Variants in ZNF862 observed in about 807,000 individuals in gnomAD.
ZNF862 encodes zinc finger protein 862.
ZNF862 carries 64 observed loss-of-function variants against 91.1 expected under a neutral mutation model. That is an observed-to-expected ratio of 0.70 (90% CI 0.57 to 0.87). The LOEUF (loss-of-function observed/expected upper bound fraction) is 0.87, where lower values mean the gene tolerates loss of function less well. ZNF862 is among the 40% of genes least tolerant of loss of function. ZNF862 has a pLI of 0.00. For synonymous variants in ZNF862, 631 were observed against 618.1 expected (o/e 1.02, Z -0.31); for missense variants, 1,459 against 1,528.0 (o/e 0.95, Z 0.75).
At chr7:149,859,631 T>C (rs532912463) in intron 6 of ZNF862, 105 bp downstream of exon 6, 8 of 941,032 alleles carry the variant, frequency 8.5e-6, no homozygotes, top group Middle Eastern at 5.0e-4. Flanking sequence ...TGGGGGCCGA[T>C]TGGGCACCAA....
rs1296230606 is a variant in ZNF862, at chr7:149,860,579, C to G, written c.1419C>G (p.Phe473Leu). 6.2e-7 allele frequency: 1 copy of G among 1,613,970 alleles called. No individual in the cohort carries two copies. The highest frequency in any genetic ancestry group is 1.7e-5 in the Admixed American group (1 of 60,026). Residue 473 changes from phenylalanine to leucine, a missense_variant, in exon 7 of 8, where the codon TTC becomes TTG. Physicochemically the swap from Phe to Leu is conservative, Grantham distance 22 (BLOSUM62 0). Coordinates refer to ENST00000223210, the MANE Select transcript of ZNF862 (RefSeq NM_001099220.3). ...RSIQRSWFGQFPWLVIDPKET... is the reference protein window; with the variant it reads ...RSIQRSWFGQLPWLVIDPKET... ...TTCAGAGGTCATGGTTTGGGCAGTT[C>G]CCATGGTTAGTAATTGACCCCAAAG...
chr7:149,864,257 C>T lies in ZNF862; in HGVS notation c.3483C>T (p.Thr1161=). 6.2e-7 allele frequency: 1 copy of T among 1,603,018 alleles called. No homozygotes were observed. Among genetic ancestry groups the T allele is most frequent in the Non-Finnish European group, 8.5e-7 (1 of 1,175,604 alleles). ...CCGAGAGACTCCTGTATCCCCACAC[C>T]AGCCAGGAGGCCCCCGGGATGTCCT... ...EPPERLLYPH[T]SQEAPGMS The change falls in exon 8 of 8, where the codon ACC becomes ACT. Residue 1161 remains threonine, a synonymous_variant. Coordinates refer to ENST00000223210, the MANE Select transcript of ZNF862 (RefSeq NM_001099220.3).
intron 5 of ZNF862, chr7:149,851,454 C>A (rs1802065889): frequency 6.6e-6 from 1 of 152,242 alleles, no homozygotes; most frequent in Non-Finnish European, 1.5e-5. Flanking sequence ...TGTATCCCCT[C>A]AGAGTATCAC....
rs1231198889 is a variant in ZNF862, at chr7:149,865,680, G to A, written c.*1396G>A. Reference sequence around the variant, plus strand: ...TAACCATGGGCAGGAAATGAGGCAAGTCAGCAGGCAGGGTTTCTCTGCCCT... The same window carrying A: ...TAACCATGGGCAGGAAATGAGGCAAATCAGCAGGCAGGGTTTCTCTGCCCT... On this transcript the variant is annotated 3_prime_UTR_variant, in exon 8 of 8. Coordinates refer to ENST00000223210, the MANE Select transcript of ZNF862 (RefSeq NM_001099220.3). 4 of 152,234 alleles carry A rather than the reference G, an allele frequency of 2.6e-5. No homozygotes were observed. Among genetic ancestry groups the A allele is most frequent in the South Asian group, 4.1e-4 (2 of 4,832 alleles). The allele number at this position is 152,234 out of a possible 1,614,324, so 9.4% of individuals were successfully genotyped here. A position where few individuals can be genotyped will look rare whatever the true frequency, so the allele number is the denominator to read the frequency against.
chr7:149,848,732 T>C (rs1424225893), intron 4 of ZNF862, among the ~76,000 whole-genome samples: 1 of 152,182 alleles, frequency 6.6e-6, no homozygotes, highest in East Asian at 1.9e-4. Context: ...TTATTCAGAA[T>C]CCAAAATAAA....
rs1262368515 is a variant in ZNF862 at position 149,861,184 on chromosome 7, T to A, written c.2024T>A (p.Val675Asp). ...GCAGATGGGTACTTCGAGACCATCGTTTCTGCCCTGGATGAGCTGGACATC... is the reference window on the plus strand; with the variant it reads ...GCAGATGGGTACTTCGAGACCATCGATTCTGCCCTGGATGAGCTGGACATC... ...ETADGYFETI[V>D]SALDELDIPF... Residue 675 changes from valine (V) to aspartate (D), a missense_variant, in exon 7 of 8, where the codon GTT becomes GAT. Coordinates refer to ENST00000223210, the MANE Select transcript of ZNF862 (RefSeq NM_001099220.3). This position sits in a 1 kb window ranked among gnomAD's most constrained non-coding sequence, Gnocchi z 6.7. The A allele has an allele frequency of 5.6e-6, 9 of 1,612,764 alleles. No homozygotes were observed. The highest frequency in any genetic ancestry group is 7.6e-6 in the Non-Finnish European group (9 of 1,179,802).
chr7:149,839,964 C>G (rs189097856), intron 1 of ZNF862, among the ~76,000 whole-genome samples: 18 of 152,100 alleles, frequency 1.2e-4, no homozygotes, highest in African/African-American at 3.9e-4. Flanking sequence ...CCAAGCTATT[C>G]TGTTCAGTCA....
chr7:149,850,227 G>A lies in ZNF862; in HGVS notation c.1006G>A (p.Glu336Lys), dbSNP rs756335788. ...GTTTGAGGAGCTGCCGGTGGTGTTC[G>A]AGGATGTGGCAGTGTATTTCACCCG... Reference protein sequence around the residue: ...VVFEELPVVFEDVAVYFTREE... With the variant: ...VVFEELPVVFKDVAVYFTREE... Residue 336 changes from glutamate to lysine, a missense_variant, in exon 5 of 8, where the codon GAG becomes AAG. Coordinates refer to ENST00000223210, the MANE Select transcript of ZNF862 (RefSeq NM_001099220.3). The surrounding 1 kb of genome is among the most constrained non-coding windows in gnomAD (Gnocchi z 4.2). 6.8e-6 allele frequency: 11 copies of A among 1,609,668 alleles called. No individual in the cohort carries two copies. The highest frequency in any genetic ancestry group is 4.5e-5 in the East Asian group (2 of 44,676).
At chr7:149,840,421 G>A (rs1801664517) in intron 1 of ZNF862, among the ~76,000 whole-genome samples, 1 of 152,084 alleles carries the variant, frequency 6.6e-6, no homozygotes, top group Non-Finnish European at 1.5e-5. Context: ...GTTACAATAA[G>A]CTAGGGTTAA....
At chr7:149,851,828 A>G (rs577157278) in intron 5 of ZNF862, 1 of 152,340 alleles carries the variant, frequency 6.6e-6, no homozygotes, top group East Asian at 1.9e-4. Flanking sequence ...TGGATGAACA[A>G]AAAATGTAAT....
chr7:149,865,739 G>A lies in ZNF862; in HGVS notation c.*1455G>A, dbSNP rs1802692408. Reference sequence around the variant, plus strand: ...CTTGTTTTAAACAGGCAGGAAGTGGGCGCCATCCATCCCAGCTTGCTTGCT... The same window carrying A: ...CTTGTTTTAAACAGGCAGGAAGTGGACGCCATCCATCCCAGCTTGCTTGCT... On this transcript the variant is annotated 3_prime_UTR_variant, in exon 8 of 8. Coordinates refer to ENST00000223210, the MANE Select transcript of ZNF862 (RefSeq NM_001099220.3). 6.6e-6 allele frequency: 1 copy of A among 152,232 alleles called. No homozygotes were observed. The highest frequency in any genetic ancestry group is 1.5e-5 in the Non-Finnish European group (1 of 68,050). The allele number at this position is 152,232 out of a possible 1,614,324, so 9.4% of individuals were successfully genotyped here. A position where few individuals can be genotyped will look rare whatever the true frequency, so the allele number is the denominator to read the frequency against.
At position 149,860,664 on chromosome 7, in the gene ZNF862, C is replaced by G; in HGVS notation, c.1504C>G (p.Arg502Gly). The G allele has an allele frequency of 1.9e-6, 3 of 1,613,988 alleles. No homozygotes were observed. Among genetic ancestry groups the G allele is most frequent in the Non-Finnish European group, 2.5e-6 (3 of 1,179,890 alleles). The change falls in exon 7 of 8, where the codon CGG becomes GGG. Residue 502 changes from arginine (R) to glycine (G), a missense_variant. By Grantham distance (125) the Arg-to-Gly change is moderately radical. Coordinates refer to ENST00000223210, the MANE Select transcript of ZNF862 (RefSeq NM_001099220.3). ...ACCTAATCTCCATGATAAATCATCT[C>G]GGTTAGTCAGAGGTTACACGGGGCC... ...ERPNLHDKSS[R>G]LVRGYTGPFK...
rs889800541 is a variant in ZNF862 at position 149,847,737 on chromosome 7, A to C, written c.244A>C (p.Lys82Gln). 6.2e-7 allele frequency: 1 copy of C among 1,604,704 alleles called. No individual in the cohort carries two copies. The highest frequency in any genetic ancestry group is 8.5e-7 in the Non-Finnish European group (1 of 1,176,178). Reference protein sequence around the residue: ...QRSLLEHHPGKKQMGYMGEME... With the variant: ...QRSLLEHHPGQKQMGYMGEME... ...TCCCTTCTGTCTCTTCTCTAAAGGA[A>C]AAAAACAGATGGGCTACATGGGAGA... Residue 82 changes from lysine to glutamine, a missense_variant and splice_region_variant, in exon 4 of 8, where the codon AAA becomes CAA. Coordinates refer to ENST00000223210, the MANE Select transcript of ZNF862 (RefSeq NM_001099220.3).
Position 149,862,406 on chromosome 7 carries a change from C to A in ZNF862, c.3246C>A (p.Pro1082=), listed in dbSNP as rs377061201. The change falls in exon 7 of 8, where the codon CCC becomes CCA. Residue 1082 remains proline, a synonymous_variant. Transcript: ENST00000223210. ...CCGTCACGGAGTACGACCCCCAGCC[C>A]GCCATCCAGCACTGGTACCTGACCT... The part of the protein sequence containing the change: ...GVAVTEYDPQ[P]AIQHWYLTSS... The A allele has an allele frequency of 1.2e-6, 2 of 1,612,538 alleles. No individual in the cohort carries two copies. The highest frequency in any genetic ancestry group is 1.7e-6 in the Non-Finnish European group (2 of 1,179,658).
rs1802706994 is a variant in ZNF862 at position 149,866,041 on chromosome 7, TCCCTGGTACCGCAGGTA to T, written c.*1768_*1784del. 6.6e-6 allele frequency: 1 copy of T among 152,156 alleles called. No homozygotes were observed. The highest frequency in any genetic ancestry group is 1.5e-5 in the Non-Finnish European group (1 of 68,088). The allele number at this position is 152,156 out of a possible 1,614,324, so 9.4% of individuals were successfully genotyped here. On this transcript the variant is annotated 3_prime_UTR_variant, in exon 8 of 8. Coordinates refer to ENST00000223210, the MANE Select transcript of ZNF862 (RefSeq NM_001099220.3). ...GGGTAGATGCTGGCGTCCGAGCCCC[TCCCTGGTACCGCAGGTA>T]CCCTGGTACCCCACCTGCCCTTTCA... is the stretch of plus-strand genomic sequence containing the variant.
chr7:149,850,330 C>T lies in ZNF862; in HGVS notation c.1109C>T (p.Ala370Val), dbSNP rs779325304. 1 of 1,611,038 alleles carries T rather than the reference C, an allele frequency of 6.2e-7. No homozygotes were observed. Among genetic ancestry groups the T allele is most frequent in the South Asian group, 1.1e-5 (1 of 90,874 alleles). The change falls in exon 5 of 8, where the codon GCA (alanine) becomes GTA (valine). Residue 370 changes from alanine (A) to valine (V), a missense_variant. Ala to Val is a moderately conservative substitution (Grantham distance 64, BLOSUM62 0). Transcript: ENST00000223210. This position sits in a 1 kb window ranked among gnomAD's most constrained non-coding sequence, Gnocchi z 4.2. The part of the protein sequence containing the change: ...DVMRMNYELL[A>V]SLGPAAAKPD... ...ATGCGGATGAACTACGAGCTGTTGG[C>T]ATCCTTGGGTAAAGACGCACCGAGC...
chr7:149,850,683 C>A lies in ZNF862; in HGVS notation c.1117+345C>A. On this transcript the variant is annotated intron_variant, in intron 5 of 7. Coordinates refer to ENST00000223210, the MANE Select transcript of ZNF862 (RefSeq NM_001099220.3). This position sits in a 1 kb window ranked among gnomAD's most constrained non-coding sequence, Gnocchi z 4.2. ...AGAAACTATAAAATAATACAGTCTCCCATAAAAGAGCTTCCAGAAGAGTAC... is the reference window on the plus strand; with the variant it reads ...AGAAACTATAAAATAATACAGTCTCACATAAAAGAGCTTCCAGAAGAGTAC... The A allele has an allele frequency of 5.3e-6, 1 of 187,058 alleles. No homozygotes were observed. The highest frequency in any genetic ancestry group is 1.1e-5 in the Non-Finnish European group (1 of 89,144). 11.6% of individuals were successfully genotyped at this position (187,058 alleles called of 1,614,324 possible). A position where few individuals can be genotyped will look rare whatever the true frequency, so the allele number is the denominator to read the frequency against.
Position 149,860,404 on chromosome 7 carries a change from T to G in ZNF862, c.1244T>G (p.Val415Gly). ...RPPGNKKMVA[V>G]READTQASAA... ...AAAGGGAACAAGAAGATGGTGGCAG[T>G]GAGAGAGGCAGACACACAGGCCTCG... The change falls in exon 7 of 8, where the codon GTG becomes GGG. Residue 415 changes from valine (V) to glycine (G), a missense_variant. Transcript: ENST00000223210. 6.2e-7 allele frequency: 1 copy of G among 1,611,216 alleles called. No homozygotes were observed. The highest frequency in any genetic ancestry group is 8.5e-7 in the Non-Finnish European group (1 of 1,178,490).
rs1802658425 is a variant in ZNF862, at chr7:149,864,844, C to T, written c.*560C>T. ...GAACTCTACCTCTTCCCAGGGCTTC[C>T]TTTAGGGCGAAACAATCACAAGCCC... On this transcript the variant is annotated 3_prime_UTR_variant, in exon 8 of 8. Coordinates refer to ENST00000223210, the MANE Select transcript of ZNF862 (RefSeq NM_001099220.3). 6.5e-6 allele frequency: 1 copy of T among 153,128 alleles called. No individual in the cohort carries two copies. Among genetic ancestry groups the T allele is most frequent in the African/African-American group, 2.4e-5 (1 of 41,464 alleles). 9.5% of individuals were successfully genotyped at this position (153,128 alleles called of 1,614,324 possible).
Sources: allele counts gnomAD v4.1 joint callset (sites outside exome capture counted in the v4.1 genomes callset), GRCh38; gene constraint gnomAD v4.1.1; non-coding constraint Gnocchi (gnomAD v3.1); transcripts MANE v1.5; gene names NCBI Gene and HGNC (gene_info 2026-07-23, HGNC 2026-07-21).